Variants in GRK4 observed in about 807,000 individuals in gnomAD.
GRK4 encodes G protein-coupled receptor kinase 2-like.
In GRK4, 73 loss-of-function variants were observed where a neutral mutation model predicts 77.9. The observed-to-expected ratio is 0.94, with a 90% confidence interval of 0.78 to 1.14. The LOEUF is 1.14. Ranked by LOEUF, GRK4 falls within the 50% of genes most tolerant of loss-of-function variation. The probability of loss-of-function intolerance (pLI) is 0.00; values close to 1 mark genes in which losing one functional copy is unlikely to be tolerated. For synonymous variants in GRK4, 257 were observed against 254.4 expected, an observed-to-expected ratio of 1.01 and a Z score of -0.10; for missense variants, 729 against 700.2, an observed-to-expected ratio of 1.04 and a Z score of -0.46.
intron 10 of GRK4, among the ~76,000 whole-genome samples, chr4:3,026,841 G>A (rs1380374886): frequency 6.6e-6 from 1 of 152,204 alleles, no homozygotes; most frequent in Non-Finnish European, 1.5e-5. Context: ...ACAGTGCCTT[G>A]GAGGGCATGT....
At chr4:2,993,696 C>G (rs1726960367) in intron 4 of GRK4, among the ~76,000 whole-genome samples, 1 of 151,816 alleles carries the variant, frequency 6.6e-6, no homozygotes, top group Non-Finnish European at 1.5e-5. Context: ...CAAAAAAACA[C>G]AAAAAAATCA....
intron 1 of GRK4, among the ~76,000 whole-genome samples, chr4:2,974,677 T>G (rs542751514): frequency 1.2e-4 from 19 of 152,346 alleles, no homozygotes; most frequent in African/African-American, 3.4e-4. Flanking sequence ...CGTTTTTGGT[T>G]GTTTTTTATT....
At chr4:2,965,149 G>A in intron 1 of GRK4, 1 of 628,620 alleles carries the variant, frequency 1.6e-6, no homozygotes, top group Non-Finnish European at 2.9e-6. Flanking sequence ...CTTAGTCTTT[G>A]TTCAAGGCTC....
chr4:3,020,966 G>A (rs925320684), intron 9 of GRK4, among the ~76,000 whole-genome samples: 1 of 152,114 alleles, frequency 6.6e-6, no homozygotes, highest in East Asian at 1.9e-4. Context: ...TAAAGTAATT[G>A]GGAGGATGTG....
At chr4:2,986,464 C>CT (rs1724411204) in intron 2 of GRK4, among the ~76,000 whole-genome samples, 1 of 148,904 alleles carries the variant, frequency 6.7e-6, no homozygotes, top group Non-Finnish European at 1.5e-5. Flanking sequence ...TCAAGTGATT[C>CT]CCTGCCTCAG....
intron 1 of GRK4, among the ~76,000 whole-genome samples, chr4:2,968,246 CAA>C (rs1317638592): frequency 6.6e-6 from 1 of 152,100 alleles, no homozygotes; most frequent in African/African-American, 2.4e-5. Flanking sequence ...AAATTGAAAA[CAA>C]ATGCAGAGAG....
chr4:2,968,097 GT>G (rs35715694), intron 1 of GRK4, among the ~76,000 whole-genome samples: 6,047 of 145,200 alleles, frequency 0.042, 170 homozygotes, highest in African/African-American at 0.078. Context: ...GGCCTGTTTT[GT>G]TTTTTTTTTT....
At chr4:3,016,298 C>T (rs573261094) in intron 8 of GRK4, among the ~76,000 whole-genome samples, 1 of 151,428 alleles carries the variant, frequency 6.6e-6, no homozygotes, top group East Asian at 2.0e-4. Flanking sequence ...CTGCAGATCA[C>T]CTGAGGTCAG....
intron 5 of GRK4, among the ~76,000 whole-genome samples, chr4:3,006,227 A>G (rs1731281293): frequency 6.6e-6 from 1 of 151,396 alleles, no homozygotes; most frequent in Non-Finnish European, 1.5e-5. Flanking sequence ...TAAACATACA[A>G]AATTAGCCAG....
At position 3,037,473 on chromosome 4, in the gene GRK4, T is replaced by G. The variant is rs1741072999; in HGVS notation, c.1507T>G (p.Phe503Val). The G allele has an allele frequency of 6.2e-7, 1 of 1,610,278 alleles. No homozygotes were observed. The highest frequency in any genetic ancestry group is 1.3e-5 in the African/African-American group (1 of 74,822). The change falls in exon 14 of 16, where the codon TTT (phenylalanine) becomes GTT (valine). Residue 503 changes from phenylalanine (F) to valine (V), a missense_variant. By Grantham distance (50) the Phe-to-Val change is conservative. Coordinates refer to ENST00000398052, the MANE Select transcript of GRK4 (RefSeq NM_182982.3). ...DTADEDFYAR[F>V]ATGCVSIPWQ... ...CGCAGATGAAGACTTCTATGCTCGG[T>G]TTGCTACCGGGTGTGTCTCCATCCC...
chr4:3,002,955 G>A (rs901636902), intron 4 of GRK4, among the ~76,000 whole-genome samples: 2 of 152,146 alleles, frequency 1.3e-5, no homozygotes, highest in African/African-American at 2.4e-5. Flanking sequence ...GGTTACCAAC[G>A]TCAGCATTTG....
chr4:3,025,390 T>G (rs1737192944), intron 10 of GRK4, among the ~76,000 whole-genome samples: 1 of 143,312 alleles, frequency 7.0e-6, no homozygotes, highest in South Asian at 2.3e-4. Flanking sequence ...CGATCTAATT[T>G]TTTTTTTTTT....
At chr4:2,973,915 C>T (rs1720350129) in intron 1 of GRK4, among the ~76,000 whole-genome samples, 1 of 152,240 alleles carries the variant, frequency 6.6e-6, no homozygotes, top group African/African-American at 2.4e-5. Context: ...CGCCCTCTCT[C>T]ACTCTGCCTC....
intron 3 of GRK4, 58 bp from the exon 4 acceptor site, chr4:2,992,157 G>A: frequency 8.1e-7 from 1 of 1,227,282 alleles, no homozygotes; most frequent in Non-Finnish European, 1.2e-6. Flanking sequence ...GGAACTACAG[G>A]TATGCACCAC....
chr4:2,984,464 G>T, intron 1 of GRK4, 49 bp from the exon 2 acceptor site: 1 of 1,002,368 alleles, frequency 1.0e-6, no homozygotes, highest in South Asian at 1.3e-5. Flanking sequence ...TGTTATAATT[G>T]GATATTTCTG....
chr4:2,987,564 G>C (rs1181980428), intron 2 of GRK4, among the ~76,000 whole-genome samples: 5 of 152,206 alleles, frequency 3.3e-5, no homozygotes. Context: ...GTTTTTGGCT[G>C]TGTGAATAGT....
intron 13 of GRK4, among the ~76,000 whole-genome samples, chr4:3,035,983 C>G (rs893818110): frequency 6.6e-6 from 1 of 151,832 alleles, no homozygotes; most frequent in Non-Finnish European, 1.5e-5. Context: ...CACCACCCAG[C>G]TCATTTTCAC....
intron 2 of GRK4, chr4:2,987,075 A>G (rs1361062872): frequency 6.0e-6 from 3 of 500,810 alleles, no homozygotes; most frequent in African/African-American, 5.9e-5. Flanking sequence ...TCAGCACCCC[A>G]AAAAGAAACG....
chr4:3,021,394 C>T (rs1228894785), intron 9 of GRK4, among the ~76,000 whole-genome samples: 1 of 152,204 alleles, frequency 6.6e-6, no homozygotes, highest in Non-Finnish European at 1.5e-5. Flanking sequence ...CCCGTGTTGT[C>T]TGCTCAGATG....
Sources: gnomAD v4.1 joint callset for allele counts (sites outside exome capture counted in the v4.1 genomes callset) on GRCh38, gnomAD v4.1.1 for gene constraint, MANE v1.5 for transcripts, NCBI Gene and HGNC (gene_info 2026-07-23, HGNC 2026-07-21) for gene names.